The following CSMD1 variants were observed in gnomAD, a reference collection of about 807,000 sequenced individuals.
CSMD1 encodes the protein CUB and Sushi multiple domains 1, also known as CUB and sushi domain-containing protein 1.
CSMD1 carries 213 observed loss-of-function variants against 417.5 expected under a neutral mutation model. The observed-to-expected ratio is 0.51, with a 90% CI of 0.46 to 0.57. The LOEUF (loss-of-function observed/expected upper bound fraction) is 0.57, where lower values mean the gene tolerates loss of function less well. Ranked by LOEUF, CSMD1 falls within the 20% of genes least tolerant of loss-of-function variation. The probability of loss-of-function intolerance (pLI) is 0.00; values close to 1 mark genes in which losing one functional copy is unlikely to be tolerated. For missense variants in CSMD1, 6,923 were observed against 4,529.7 expected, an observed-to-expected ratio of 1.53 and a Z score of -15.17; for synonymous variants, 2,862 against 1,736.8, an observed-to-expected ratio of 1.65 and a Z score of -16.11.
intron 3 of CSMD1, among the ~76,000 whole-genome samples, chr8:4,146,240 C>A (rs1321372292): frequency 1.3e-5 from 2 of 151,018 alleles, no homozygotes; most frequent in South Asian, 2.1e-4. Context: ...GAAAACCTCT[C>A]CCAGGACCCT....
intron 42 of CSMD1, among the ~76,000 whole-genome samples, chr8:3,117,738 C>T (rs1816954658): frequency 6.6e-6 from 1 of 152,102 alleles, no homozygotes; most frequent in African/African-American, 2.4e-5. Context: ...CTAAAGAGAC[C>T]AGGTCCTCTG....
intron 3 of CSMD1, among the ~76,000 whole-genome samples, chr8:4,343,256 G>A (rs1047448042): frequency 2.0e-5 from 3 of 152,224 alleles, no homozygotes; most frequent in African/African-American, 4.8e-5. Context: ...GAGGATGGAG[G>A]TTGCCAGTGG....
At chr8:4,616,754 T>G (rs768907957) in intron 2 of CSMD1, among the ~76,000 whole-genome samples, 32 of 152,186 alleles carry the variant, frequency 2.1e-4, no homozygotes, top group Non-Finnish European at 2.9e-5. Flanking sequence ...CCAGGGATAT[T>G]GGCATAAATG....
In CSMD1 at chr8:3,793,114, T is replaced by C. The variant is rs576369660; in HGVS notation, c.819-39072A>G. ...ACTTCCAAAAGTGTCTCGAGGAGGA[T>C]ACCCACAAGAGTGGAAGGAACTGCT... On this transcript the variant is annotated intron_variant, in intron 5 of 69. Coordinates refer to ENST00000635120, the MANE Select transcript of CSMD1 (RefSeq NM_033225.6). 4.6e-5 allele frequency among the ~76,000 whole-genome samples: 7 copies of C among 152,274 alleles called. No homozygotes were observed. In the South Asian group the frequency reaches 1.4e-3, roughly 32 times the overall value.
At chr8:3,972,535 G>A (rs949883256) in intron 5 of CSMD1, among the ~76,000 whole-genome samples, 1 of 152,142 alleles carries the variant, frequency 6.6e-6, no homozygotes, top group Non-Finnish European at 1.5e-5. Context: ...CTCTGAATAA[G>A]CACGTGTGAC....
intron 1 of CSMD1, among the ~76,000 whole-genome samples, chr8:4,972,599 C>T (rs1037210459): frequency 1.3e-5 from 2 of 152,052 alleles, no homozygotes; most frequent in African/African-American, 4.8e-5. Flanking sequence ...ATTATCTCAC[C>T]TCAGGCAGTT....
chr8:4,577,316 C>T (rs1222445694), intron 2 of CSMD1, among the ~76,000 whole-genome samples: 1 of 152,174 alleles, frequency 6.6e-6, no homozygotes, highest in South Asian at 2.1e-4. Flanking sequence ...AAAATTATTT[C>T]AATAATGATG....
At position 4,808,522 on chromosome 8, in the gene CSMD1, T is replaced by C. The variant is rs1798715040; in HGVS notation, c.86-170964A>G. On this transcript the variant is annotated intron_variant, in intron 1 of 69. Transcript: ENST00000635120. ...AATAAAACACATCCTCTTGGATCCC[T>C]TGTGGTAGAAAAAGGCTTTCAGTGA... Among the ~76,000 whole-genome samples, 3 of 152,302 alleles carry C rather than the reference T, an allele frequency of 2.0e-5. 1 individual carries two copies. In the South Asian group the frequency reaches 6.2e-4, roughly 32 times the overall value.
intron 5 of CSMD1, among the ~76,000 whole-genome samples, chr8:3,941,386 G>T (rs2259039): frequency 1.3e-5 from 2 of 151,828 alleles, no homozygotes; most frequent in Non-Finnish European, 2.9e-5. Flanking sequence ...AGTAATTTTT[G>T]ATTTCTCAAA....
At chr8:4,752,645 A>G (rs1017530930) in intron 1 of CSMD1, among the ~76,000 whole-genome samples, 3 of 152,212 alleles carry the variant, frequency 2.0e-5, no homozygotes, top group African/African-American at 7.2e-5. Context: ...TTGATGTGCC[A>G]TATTTTCTCT....
intron 2 of CSMD1, among the ~76,000 whole-genome samples, chr8:4,528,565 G>A (rs571780517): frequency 6.6e-6 from 1 of 152,060 alleles, no homozygotes; most frequent in South Asian, 2.1e-4. Context: ...TAGATCTTAT[G>A]TTAATTATTT....
At chr8:4,917,551 T>C (rs1806150929) in intron 1 of CSMD1, among the ~76,000 whole-genome samples, 1 of 152,142 alleles carries the variant, frequency 6.6e-6, no homozygotes, top group Admixed American at 6.5e-5. Flanking sequence ...GGAGAATCGC[T>C]TGAACCCAGG....
intron 2 of CSMD1, among the ~76,000 whole-genome samples, chr8:4,546,110 T>C (rs1034784943): frequency 1.3e-5 from 2 of 152,178 alleles, no homozygotes; most frequent in Non-Finnish European, 2.9e-5. Flanking sequence ...AGATTTCTAC[T>C]GAAACTTTCT....
At chr8:3,206,023 T>C (rs1229924606) in intron 30 of CSMD1, among the ~76,000 whole-genome samples, 1 of 152,190 alleles carries the variant, frequency 6.6e-6, no homozygotes, top group Non-Finnish European at 1.5e-5. Flanking sequence ...ATCACTTTTA[T>C]ATTAATATGG....
At chr8:3,926,808 C>G (rs967324633) in intron 5 of CSMD1, among the ~76,000 whole-genome samples, 1 of 149,452 alleles carries the variant, frequency 6.7e-6, no homozygotes, top group Non-Finnish European at 1.5e-5. Flanking sequence ...CTCTGCCTCC[C>G]GGGTTCAAGC....
chr8:3,752,142 C>T (rs1420796246), intron 6 of CSMD1, among the ~76,000 whole-genome samples: 1 of 152,162 alleles, frequency 6.6e-6, no homozygotes, highest in Admixed American at 6.5e-5. Context: ...ATTCTAACTA[C>T]AGCCACAGTA....
At chr8:4,056,988 A>G (rs1798729543) in intron 3 of CSMD1, among the ~76,000 whole-genome samples, 1 of 152,226 alleles carries the variant, frequency 6.6e-6, no homozygotes, top group Non-Finnish European at 1.5e-5. Context: ...TACTGCTGCA[A>G]TAAACATACG....
chr8:4,454,374 T>G (rs779193592), intron 2 of CSMD1, among the ~76,000 whole-genome samples: 2 of 152,160 alleles, frequency 1.3e-5, no homozygotes, highest in Non-Finnish European at 2.9e-5. Context: ...CACATACCTC[T>G]TGATTTTCAA....
chr8:3,528,231 ATG>A (rs1358574793), intron 10 of CSMD1, among the ~76,000 whole-genome samples: 4 of 152,240 alleles, frequency 2.6e-5, no homozygotes, highest in Admixed American at 2.6e-4. Flanking sequence ...ATTTTGAATT[ATG>A]TGTTGTGGAA....
Sources: allele counts gnomAD v4.1 joint callset (sites outside exome capture counted in the v4.1 genomes callset), GRCh38; gene constraint gnomAD v4.1.1; transcripts MANE v1.5; gene names NCBI Gene and HGNC (gene_info 2026-07-23, HGNC 2026-07-21).